The following COL21A1 variants were observed in gnomAD, a reference collection of about 807,000 sequenced individuals.
COL21A1 encodes collagen type XXI alpha 1 chain, also known as collagen alpha-1(XXI) chain.
Under a neutral mutation model 137.9 loss-of-function variants are expected in COL21A1, and 149 were observed. The observed-to-expected ratio is 1.08, with a 90% confidence interval of 0.95 to 1.24. COL21A1 has a LOEUF of 1.24. COL21A1 is among the 50% of genes most tolerant of loss of function. The probability of loss-of-function intolerance (pLI) is 0.00; values close to 1 mark genes in which losing one functional copy is unlikely to be tolerated. For missense variants in COL21A1, 1,167 were observed against 1,158.4 expected (o/e 1.01, Z -0.11); for synonymous variants, 456 against 391.5 (o/e 1.16, Z -1.95).
At chr6:56,326,207 T>G (rs2152342768) in intron 1 of COL21A1, among the ~76,000 whole-genome samples, 1 of 149,580 alleles carries the variant, frequency 6.7e-6, no homozygotes, top group South Asian at 2.1e-4. Context: ...TTTAATTAAG[T>G]GCACATATAC....
At chr6:56,138,124 A>G (rs1308043241) in intron 12 of COL21A1, among the ~76,000 whole-genome samples, 1 of 152,106 alleles carries the variant, frequency 6.6e-6, no homozygotes, top group African/African-American at 2.4e-5. Context: ...TAGTAACACC[A>G]CTTCCATAAA....
At chr6:56,066,011 A>G (rs1316040739) in intron 23 of COL21A1, among the ~76,000 whole-genome samples, 1 of 151,932 alleles carries the variant, frequency 6.6e-6, no homozygotes, top group Admixed American at 6.6e-5. Context: ...ATCGATTATC[A>G]TGACAGGAAA....
At chr6:56,063,105 C>A (rs1765953617) in intron 24 of COL21A1, among the ~76,000 whole-genome samples, 1 of 152,098 alleles carries the variant, frequency 6.6e-6, no homozygotes, top group African/African-American at 2.4e-5. Context: ...GTAGGCTAAG[C>A]TCCTGGTGGT....
rs556437317 is a variant in COL21A1, at chr6:56,124,387, A to G, written c.1651-95T>C. On this transcript the variant is annotated intron_variant, in intron 14 of 29. Transcript: ENST00000244728. Reference sequence around the variant, plus strand: ...ATAGAAAAGCTACTAAGTTAACATCATTATGTAGTAAAAACTCATGGAACT... The same window carrying G: ...ATAGAAAAGCTACTAAGTTAACATCGTTATGTAGTAAAAACTCATGGAACT... 1.1e-4 allele frequency: 131 copies of G among 1,177,610 alleles called. No individual in the cohort carries two copies. In the African/African-American group the frequency reaches 1.6e-3, roughly 15 times the overall value. The allele number at this position is 1,177,610 out of a possible 1,614,324, so 72.9% of individuals were successfully genotyped here. A position where few individuals can be genotyped will look rare whatever the true frequency, so the allele number is the denominator to read the frequency against.
intron 1 of COL21A1, among the ~76,000 whole-genome samples, chr6:56,378,869 G>T (rs192501543): frequency 1.1e-4 from 17 of 152,300 alleles, no homozygotes; most frequent in African/African-American, 4.1e-4. Flanking sequence ...GCTTCAGGTG[G>T]CTCAGAACAC....
intron 1 of COL21A1, among the ~76,000 whole-genome samples, chr6:56,338,327 A>G (rs1765381122): frequency 6.6e-6 from 1 of 152,050 alleles, no homozygotes; most frequent in Admixed American, 6.6e-5. Context: ...TAACCCAGCT[A>G]GTAGTGCTCC....
intron 1 of COL21A1, among the ~76,000 whole-genome samples, chr6:56,202,174 A>T (rs1297583641): frequency 1.3e-5 from 2 of 152,136 alleles, no homozygotes; most frequent in African/African-American, 2.4e-5. Context: ...TATATTTTTT[A>T]AAAATGTAGT....
At chr6:56,216,486 C>G (rs887661057) in intron 1 of COL21A1, among the ~76,000 whole-genome samples, 4 of 152,000 alleles carry the variant, frequency 2.6e-5, no homozygotes, top group African/African-American at 4.8e-5. Flanking sequence ...CCAATTCATA[C>G]TAGGATAACT....
At chr6:56,177,507 G>C (rs1359019337) in intron 3 of COL21A1, among the ~76,000 whole-genome samples, 1 of 152,088 alleles carries the variant, frequency 6.6e-6, no homozygotes, top group East Asian at 1.9e-4. Flanking sequence ...AAAATGTCAA[G>C]TGCAGACTGG....
rs180883409 is a variant in COL21A1, at chr6:56,093,759, T to C, written c.1812+7713A>G. ...CTTTGTCTTGTCTCTGTACCTTTCATTCCAAACTGGCAGAGTTTCTGCTGA... is the reference window on the plus strand; with the variant it reads ...CTTTGTCTTGTCTCTGTACCTTTCACTCCAAACTGGCAGAGTTTCTGCTGA... On this transcript the variant is annotated intron_variant, in intron 17 of 29. Coordinates refer to ENST00000244728, the MANE Select transcript of COL21A1 (RefSeq NM_030820.4). Among the ~76,000 whole-genome samples the C allele has an allele frequency of 3.6e-3, 552 of 152,296 alleles. 7 individuals carry two copies. Among genetic ancestry groups the C allele is most frequent in the African/African-American group, 0.013 (524 of 41,556 alleles).
intron 1 of COL21A1, among the ~76,000 whole-genome samples, chr6:56,269,114 G>A (rs1423806154): frequency 6.6e-6 from 1 of 152,204 alleles, no homozygotes; most frequent in African/African-American, 2.4e-5. Flanking sequence ...ATGAGATTAT[G>A]TAAGAACAAA....
At chr6:56,112,737 T>G (rs1306805015) in intron 16 of COL21A1, among the ~76,000 whole-genome samples, 1 of 145,960 alleles carries the variant, frequency 6.9e-6, no homozygotes, top group Non-Finnish European at 1.5e-5. Flanking sequence ...CAGGCTGGAG[T>G]GCAATGGCGT....
chr6:56,207,643 C>T (rs961946236), intron 1 of COL21A1, among the ~76,000 whole-genome samples: 4 of 152,076 alleles, frequency 2.6e-5, no homozygotes, highest in African/African-American at 4.8e-5. Context: ...TGAAACTATT[C>T]CAACAATAGA....
Position 56,164,481 on chromosome 6 carries a change from C to T in COL21A1, c.1313G>A (p.Gly438Asp), listed in dbSNP as rs1776423584. 3 of 1,588,344 alleles carry T rather than the reference C, an allele frequency of 1.9e-6. No individual in the cohort carries two copies. The highest frequency in any genetic ancestry group is 2.6e-6 in the Non-Finnish European group (3 of 1,166,204). The change falls in exon 9 of 30, where the codon GGT becomes GAT. Residue 438 changes from glycine to aspartate, a missense_variant. By Grantham distance (94) the Gly-to-Asp change is moderately conservative (BLOSUM62 -1). Transcript: ENST00000244728. ...ACAAATACAGGGAGCTGGAGTTGAA[C>T]CTACATCACTGGGACCATTAAGGCA... ...GECLNGPSDV[G>D]STPAPCICPP... is the part of the protein sequence containing the mutation.
At chr6:56,342,543 G>T (rs1270174196) in intron 1 of COL21A1, among the ~76,000 whole-genome samples, 1 of 152,094 alleles carries the variant, frequency 6.6e-6, no homozygotes, top group East Asian at 1.9e-4. Context: ...TCAATGCCTT[G>T]CTTTATGCTT....
chr6:56,362,026 G>T (rs11757941), intron 1 of COL21A1, among the ~76,000 whole-genome samples: 31,750 of 151,970 alleles, frequency 0.21, 3,892 homozygotes, highest in Middle Eastern at 0.33. Flanking sequence ...AGGTCTCCAG[G>T]TTAACTGAAC....
intron 16 of COL21A1, among the ~76,000 whole-genome samples, chr6:56,114,140 C>G (rs529493921): frequency 2.6e-5 from 4 of 152,196 alleles, no homozygotes; most frequent in African/African-American, 9.6e-5. Context: ...GTGGACCTCA[C>G]CATCCTGAAG....
intron 2 of COL21A1, among the ~76,000 whole-genome samples, chr6:56,181,455 A>G (rs546840886): frequency 2.0e-5 from 3 of 152,202 alleles, no homozygotes; most frequent in East Asian, 3.9e-4. Context: ...GAGCTTTTCA[A>G]TGTTGGCCCT....
At chr6:56,233,742 G>T (rs1048756130) in intron 1 of COL21A1, among the ~76,000 whole-genome samples, 1 of 98,884 alleles carries the variant, frequency 1.0e-5, no homozygotes, top group Non-Finnish European at 2.2e-5. Context: ...GCTTGAATAG[G>T]CAAAAAAAAA....
Sources: allele counts gnomAD v4.1 joint callset (sites outside exome capture counted in the v4.1 genomes callset), GRCh38; gene constraint gnomAD v4.1.1; transcripts MANE v1.5; gene names NCBI Gene and HGNC (gene_info 2026-07-23, HGNC 2026-07-21).